The following HEATR5B variants were observed in gnomAD, a reference collection of about 807,000 sequenced individuals.
The protein encoded by HEATR5B is HEAT repeat containing 5B.
Under a neutral mutation model 224.1 loss-of-function variants are expected in HEATR5B, and 156 were observed. The ratio of observed to expected loss-of-function variants is 0.70; its 90% CI spans 0.61 to 0.80. HEATR5B has a LOEUF of 0.80. HEATR5B is among the 30% of genes least tolerant of loss of function. The pLI is 0.00. For missense variants in HEATR5B, 2,323 were observed against 2,535.5 expected, an observed-to-expected ratio of 0.92 and a Z score of 1.80; for synonymous variants, 1,027 against 893.0, an observed-to-expected ratio of 1.15 and a Z score of -2.68.
chr2:37,014,024 G>T lies in HEATR5B; in HGVS notation c.4105-4C>A. 1 of 1,499,672 alleles carries T rather than the reference G, an allele frequency of 6.7e-7. No individual in the cohort carries two copies. Among genetic ancestry groups the T allele is most frequent in the South Asian group, 1.3e-5 (1 of 75,256 alleles). 92.9% of individuals were successfully genotyped at this position (1,499,672 alleles called of 1,614,324 possible). Reference sequence around the variant, plus strand: ...TTCCTATCCATGTACTACATACCTAGACAAAGAGAATTCAAAAACTTTTGT... The same window carrying T: ...TTCCTATCCATGTACTACATACCTATACAAAGAGAATTCAAAAACTTTTGT... On this transcript the variant is annotated splice_polypyrimidine_tract_variant and splice_region_variant and intron_variant, in intron 26 of 35. Coordinates refer to ENST00000233099, the MANE Select transcript of HEATR5B (RefSeq NM_019024.3).
In HEATR5B at chr2:37,057,271, T is replaced by C. The variant is rs145332032; in HGVS notation, c.2223+46A>G. 7.3e-5 allele frequency: 104 copies of C among 1,422,342 alleles called. No homozygotes were observed. In the African/African-American group the frequency reaches 1.4e-3, roughly 19 times the overall value. 88.1% of individuals were successfully genotyped at this position (1,422,342 alleles called of 1,614,324 possible). ...TAAGTGACAATGTGTAATAGGACCA[T>C]TGTTTCAGATTAAGTTAGTATTTCA... On this transcript the variant is annotated intron_variant, in intron 15 of 35. Transcript: ENST00000233099.
In HEATR5B at chr2:36,988,295, G is replaced by A. The variant is rs191282913; in HGVS notation, c.5911+351C>T. Among the ~76,000 whole-genome samples the A allele has an allele frequency of 6.8e-4, 103 of 150,720 alleles. 2 individuals are homozygous for A. Among genetic ancestry groups the A allele is most frequent in the Admixed American group, 4.5e-3 (68 of 15,122 alleles). ...TCTTTTTTTTTTGAGATGGAGTCTC[G>A]CTCTGTTGCCAGGCTGGAGTGCGCT... On this transcript the variant is annotated intron_variant, in intron 35 of 35. Transcript: ENST00000233099.
intron 22 of HEATR5B, among the ~76,000 whole-genome samples, chr2:37,032,224 T>A (rs1045604801): frequency 6.6e-6 from 1 of 152,178 alleles, no homozygotes; most frequent in East Asian, 1.9e-4. Flanking sequence ...TAATTTTTTT[T>A]AAATCTAGTC....
Position 37,060,592 on chromosome 2 carries a change from C to T in HEATR5B, c.1838G>A (p.Gly613Glu), listed in dbSNP as rs1671223448. 1 of 1,613,312 alleles carries T rather than the reference C, an allele frequency of 6.2e-7. No individual in the cohort carries two copies. The highest frequency in any genetic ancestry group is 8.5e-7 in the Non-Finnish European group (1 of 1,179,508). Residue 613 changes from glycine (G) to glutamate (E), a missense_variant, in exon 12 of 36, where the codon GGA becomes GAA. Gly to Glu is a moderately conservative substitution (Grantham distance 98). Transcript: ENST00000233099. ...CTTTCAGTTCTTACCACATAGAGCT[C>T]CAGCACGACCTTCCAAAGTTACCTG... Reference protein sequence around the residue: ...TWQVTLEGRAGALCAMRSFVA... With the variant: ...TWQVTLEGRAEALCAMRSFVA...
chr2:37,010,099 T>C (rs917461846), intron 27 of HEATR5B, among the ~76,000 whole-genome samples: 7 of 152,196 alleles, frequency 4.6e-5, no homozygotes, highest in African/African-American at 1.2e-4. Flanking sequence ...TTCTTCTTTA[T>C]TGAATCATAT....
intron 5 of HEATR5B, among the ~76,000 whole-genome samples, chr2:37,074,560 G>C (rs1416496662): frequency 3.3e-5 from 5 of 152,078 alleles, no homozygotes; most frequent in Non-Finnish European, 7.4e-5. Flanking sequence ...TTGATACACT[G>C]GATGAAATTC....
At chr2:37,028,231 A>G in intron 23 of HEATR5B, 57 bp from the exon 24 acceptor site, 1 of 1,136,856 alleles carries the variant, frequency 8.8e-7, no homozygotes, top group African/African-American at 1.6e-5. Flanking sequence ...ATGATCCTTT[A>G]AAAAGTTATT....
At chr2:37,059,370 AAT>A in intron 12 of HEATR5B, among the ~76,000 whole-genome samples, 2 of 143,084 alleles carry the variant, frequency 1.4e-5, no homozygotes, top group South Asian at 4.3e-4. Flanking sequence ...ACATATATTA[AAT>A]ATATTTTTGC....
At chr2:36,997,567 CTTTT>C (rs10699174) in intron 33 of HEATR5B, among the ~76,000 whole-genome samples, 1 of 129,580 alleles carries the variant, frequency 7.7e-6, no homozygotes. Flanking sequence ...CTCTGCCATT[CTTTT>C]TTTTTTTTTT....
At chr2:36,994,264 C>G (rs1038789831) in intron 33 of HEATR5B, among the ~76,000 whole-genome samples, 1 of 152,030 alleles carries the variant, frequency 6.6e-6, no homozygotes, top group African/African-American at 2.4e-5. Flanking sequence ...ATTCTTGCAA[C>G]GTTTTTTAAA....
intron 35 of HEATR5B, among the ~76,000 whole-genome samples, chr2:36,985,462 T>G (rs1317149098): frequency 6.8e-6 from 1 of 146,778 alleles, no homozygotes; most frequent in Non-Finnish European, 1.5e-5. Flanking sequence ...TTTTTGGTTT[T>G]TTTTTTTTTT....
rs778629740 is a variant in HEATR5B at position 37,040,455 on chromosome 2, C to T, written c.2920G>A (p.Val974Met). The change falls in exon 20 of 36, where the codon GTG (valine) becomes ATG (methionine). Residue 974 changes from valine (V) to methionine (M), a missense_variant. This residue lies in a region of HEATR5B where 44 missense variants were observed against 39.0 expected (regional missense o/e 1.13). Coordinates refer to ENST00000233099, the MANE Select transcript of HEATR5B (RefSeq NM_019024.3). ...DSSGPMYRGY[V>M]EPTLSLVLTL... The stretch of plus-strand genomic sequence containing the variant: ...AGAACTAGAGATAATGTTGGTTCCA[C>T]ATAGCCACGATACATCGGACCACTA... The T allele has an allele frequency of 6.2e-7, 1 of 1,613,984 alleles. No homozygotes were observed. The highest frequency in any genetic ancestry group is 8.5e-7 in the Non-Finnish European group (1 of 1,179,934).
chr2:37,072,954 A>T (rs1671995601), intron 5 of HEATR5B, among the ~76,000 whole-genome samples: 1 of 152,200 alleles, frequency 6.6e-6, no homozygotes, highest in Non-Finnish European at 1.5e-5. Context: ...TTAAAATTTG[A>T]TTCTGTACTT....
chr2:37,011,882 C>T (rs1667810741), intron 27 of HEATR5B, among the ~76,000 whole-genome samples: 1 of 152,138 alleles, frequency 6.6e-6, no homozygotes, highest in African/African-American at 2.4e-5. Context: ...CACTAGACTA[C>T]AGGCCCAGAA....
At chr2:37,038,624 C>A (rs1669666341) in intron 20 of HEATR5B, among the ~76,000 whole-genome samples, 1 of 152,186 alleles carries the variant, frequency 6.6e-6, no homozygotes, top group Non-Finnish European at 1.5e-5. Context: ...GAACTATCCT[C>A]ACTTTCCCAA....
intron 2 of HEATR5B, among the ~76,000 whole-genome samples, chr2:37,081,475 G>T (rs1448160634): frequency 6.6e-6 from 1 of 152,076 alleles, no homozygotes; most frequent in African/African-American, 2.4e-5. Flanking sequence ...CACAGTATTT[G>T]GAAACCAACT....
chr2:37,036,732 G>A (rs555791990), intron 21 of HEATR5B, among the ~76,000 whole-genome samples: 2 of 151,858 alleles, frequency 1.3e-5, no homozygotes, highest in South Asian at 2.1e-4. Context: ...GGCTGGTCTC[G>A]AACTCCTGAC....
At chr2:37,071,011 T>C (rs575251513) in intron 6 of HEATR5B, among the ~76,000 whole-genome samples, 1 of 152,320 alleles carries the variant, frequency 6.6e-6, no homozygotes, top group East Asian at 1.9e-4. Flanking sequence ...TAAGTCTCAA[T>C]TTCCTCATCT....
intron 30 of HEATR5B, among the ~76,000 whole-genome samples, chr2:37,005,137 A>G (rs1192258802): frequency 6.6e-6 from 1 of 152,158 alleles, no homozygotes; most frequent in Non-Finnish European, 1.5e-5. Flanking sequence ...CTCATGTTCC[A>G]TTCATATCGG....
Sources: gnomAD v4.1 joint callset for allele counts (sites outside exome capture counted in the v4.1 genomes callset) on GRCh38, gnomAD v4.1.1 for gene constraint, gnomAD v4.1.1 regional missense constraint, MANE v1.5 for transcripts, NCBI Gene and HGNC (gene_info 2026-07-23, HGNC 2026-07-21) for gene names.